Variants in DCDC1 observed in about 807,000 individuals in gnomAD.
DCDC1 encodes the protein doublecortin domain containing 1.
DCDC1 carries 200 observed loss-of-function variants against 178.3 expected under a neutral mutation model. That is an observed-to-expected ratio of 1.12 (90% CI 1.00 to 1.26). The LOEUF (loss-of-function observed/expected upper bound fraction) is 1.26, where lower values mean the gene tolerates loss of function less well. Among genes scored for constraint, DCDC1 ranks in the 50% most tolerant of loss-of-function variants. DCDC1 has a pLI of 0.00. For synonymous variants in DCDC1, 690 were observed against 604.8 expected (o/e 1.14, Z -2.07); for missense variants, 1,983 against 1,749.2 (o/e 1.13, Z -2.38).
chr11:31,264,945 G>T (rs957833191), intron 8 of DCDC1, among the ~76,000 whole-genome samples: 2 of 152,206 alleles, frequency 1.3e-5, no homozygotes, highest in Non-Finnish European at 2.9e-5. Flanking sequence ...ATACCATGAA[G>T]TTGCTAAATG....
chr11:30,865,981 C>T (rs1940944911), intron 38 of DCDC1, among the ~76,000 whole-genome samples: 1 of 151,968 alleles, frequency 6.6e-6, no homozygotes, highest in Non-Finnish European at 1.5e-5. Flanking sequence ...AATCCTAACC[C>T]CCAGCACCTC....
At chr11:31,250,575 C>A (rs1943954184) in intron 8 of DCDC1, among the ~76,000 whole-genome samples, 1 of 150,992 alleles carries the variant, frequency 6.6e-6, no homozygotes, top group Admixed American at 6.6e-5. Context: ...CAATGCTGTT[C>A]CTGGAGCCTA....
At chr11:31,177,788 T>G (rs1351195733) in intron 9 of DCDC1, among the ~76,000 whole-genome samples, 1 of 152,078 alleles carries the variant, frequency 6.6e-6, no homozygotes, top group Non-Finnish European at 1.5e-5. Flanking sequence ...AAGATTACAA[T>G]ATAATAATAA....
At chr11:31,008,617 T>C (rs754165762) in intron 20 of DCDC1, among the ~76,000 whole-genome samples, 7 of 152,252 alleles carry the variant, frequency 4.6e-5, no homozygotes, top group South Asian at 2.1e-4. Flanking sequence ...GTAAAACACA[T>C]AGCACTTATC....
intron 8 of DCDC1, chr11:31,263,062 G>C: frequency 6.2e-7 from 1 of 1,613,062 alleles, no homozygotes; most frequent in East Asian, 2.2e-5. Flanking sequence ...ACGTCTCAGA[G>C]TCAGTGCTTT....
At chr11:30,912,562 C>A (rs1292042761) in intron 27 of DCDC1, among the ~76,000 whole-genome samples, 1 of 152,174 alleles carries the variant, frequency 6.6e-6, no homozygotes, top group Admixed American at 6.5e-5. Context: ...GGATTACAGG[C>A]ATGAGCCACC....
chr11:31,211,898 C>T (rs1591419321), intron 9 of DCDC1, among the ~76,000 whole-genome samples: 1 of 151,928 alleles, frequency 6.6e-6, no homozygotes, highest in Non-Finnish European at 1.5e-5. Flanking sequence ...CTGGCTAACA[C>T]GGTGAAACTC....
rs778256129 is a variant in DCDC1, at chr11:30,931,815, G to A, written c.2853C>T (p.Ser951=). 6.8e-6 allele frequency: 11 copies of A among 1,612,546 alleles called. No homozygotes were observed. Among genetic ancestry groups the A allele is most frequent in the East Asian group, 2.2e-5 (1 of 44,850 alleles). ...AGATATCTGGACCAAGGATAGTAAC[G>A]GATCTGTTTTTATTCTTCTCTCCAT... is the stretch of plus-strand genomic sequence containing the variant. ...LQNGEKNKNR[S]VTILGPDISP... The change falls in exon 22 of 39, where the codon TCC becomes TCT. Residue 951 remains serine, a synonymous_variant. Transcript: ENST00000684477.
chr11:30,986,025 A>T lies in DCDC1; in HGVS notation c.2592-33457T>A, dbSNP rs147550956. 1.8e-4 allele frequency among the ~76,000 whole-genome samples: 28 copies of T among 152,278 alleles called. No individual in the cohort carries two copies. The South Asian group carries it at 4.1e-3, about 23-fold the overall frequency. On this transcript the variant is annotated intron_variant, in intron 20 of 38. Transcript: ENST00000684477. ...CTCACATGATGGTGGATTAAACATG[A>T]TAGAGGTATGTTTTTCTGTAGTGTA...
chr11:30,940,287 A>ATACCAGAT (rs5790846), intron 21 of DCDC1, among the ~76,000 whole-genome samples: 3,328 of 152,240 alleles, frequency 0.022, 125 homozygotes, highest in African/African-American at 0.077. Context: ...GAACTAAAAC[A>ATACCAGAT]TACCAGATCA....
At chr11:30,915,168 G>A (rs1945745902) in intron 27 of DCDC1, among the ~76,000 whole-genome samples, 2 of 152,094 alleles carry the variant, frequency 1.3e-5, no homozygotes, top group Admixed American at 1.3e-4. Flanking sequence ...TTGAAAATTG[G>A]GGACGTTTTA....
chr11:30,903,624 G>C lies in DCDC1; in HGVS notation c.4368C>G (p.Thr1456=), dbSNP rs756194581. 1 of 1,611,122 alleles carries C rather than the reference G, an allele frequency of 6.2e-7. No individual in the cohort carries two copies. The highest frequency in any genetic ancestry group is 1.3e-5 in the African/African-American group (1 of 74,842). The change falls in exon 32 of 39, where the codon ACC becomes ACG. Residue 1456 remains threonine (T), a synonymous_variant. Coordinates refer to ENST00000684477, the MANE Select transcript of DCDC1 (RefSeq NM_001387274.1). ...AGGTAAAGATTGGGGTTCCATCTTT[G>C]GTATATACTTTGGAGGCTGCTCTGG... ...GLARAASKVY[T]KDGTPIFTLR...
At chr11:30,875,302 C>T (rs1942013864) in intron 38 of DCDC1, among the ~76,000 whole-genome samples, 1 of 152,136 alleles carries the variant, frequency 6.6e-6, no homozygotes, top group Non-Finnish European at 1.5e-5. Flanking sequence ...GTTACTCTTT[C>T]ATTCTACTTA....
At chr11:31,176,175 T>A (rs558737793) in intron 9 of DCDC1, among the ~76,000 whole-genome samples, 5 of 152,142 alleles carry the variant, frequency 3.3e-5, no homozygotes, top group South Asian at 4.2e-4. Context: ...ATGATCTGGG[T>A]GAGAAATTCA....
chr11:30,949,779 C>G (rs1445645807), intron 21 of DCDC1, among the ~76,000 whole-genome samples: 1 of 150,918 alleles, frequency 6.6e-6, no homozygotes, highest in Non-Finnish European at 1.5e-5. Flanking sequence ...ACCGTATGTT[C>G]TCACTCATAA....
intron 9 of DCDC1, among the ~76,000 whole-genome samples, chr11:31,185,087 G>C (rs899147739): frequency 5.9e-5 from 9 of 152,178 alleles, no homozygotes; most frequent in African/African-American, 2.2e-4. Context: ...CCATAAAAAA[G>C]GGTGAGTTCA....
At chr11:31,001,800 A>C (rs1951596562) in intron 20 of DCDC1, among the ~76,000 whole-genome samples, 1 of 152,220 alleles carries the variant, frequency 6.6e-6, no homozygotes, top group Non-Finnish European at 1.5e-5. Context: ...AGTATATCAA[A>C]GGTACATTGA....
chr11:30,961,620 T>A (rs930189293), intron 20 of DCDC1, among the ~76,000 whole-genome samples: 3 of 152,020 alleles, frequency 2.0e-5, no homozygotes, highest in Admixed American at 2.0e-4. Context: ...TATAATGAAT[T>A]TAAAATGGTA....
chr11:31,134,118 A>G (rs1047235169), intron 10 of DCDC1, among the ~76,000 whole-genome samples: 3 of 152,334 alleles, frequency 2.0e-5, no homozygotes, highest in Admixed American at 1.3e-4. Flanking sequence ...TTTTAGGCCT[A>G]TTCAACTATC....
Sources: allele counts gnomAD v4.1 joint callset (sites outside exome capture counted in the v4.1 genomes callset), GRCh38; gene constraint gnomAD v4.1.1; transcripts MANE v1.5; gene names NCBI Gene and HGNC (gene_info 2026-07-23, HGNC 2026-07-21).